The following LARP4B variants were observed in gnomAD, a reference collection of about 807,000 sequenced individuals.
The protein encoded by LARP4B is la-related protein 4B.
In LARP4B, 12 loss-of-function variants were observed where a neutral mutation model predicts 89.8. That is an observed-to-expected ratio of 0.13 (90% CI 0.09 to 0.22). LARP4B has a LOEUF of 0.22. Among genes scored for constraint, LARP4B ranks in the 10% least tolerant of loss-of-function variants. LARP4B has a pLI of 1.00. For synonymous variants in LARP4B, 367 were observed against 363.3 expected, an observed-to-expected ratio of 1.01 and a Z score of -0.12; for missense variants, 757 against 947.7, an observed-to-expected ratio of 0.80 and a Z score of 2.64.
chr10:815,900 G>A (rs1204520289), intron 15 of LARP4B, among the ~76,000 whole-genome samples: 1 of 152,220 alleles, frequency 6.6e-6, no homozygotes, highest in Non-Finnish European at 1.5e-5. Context: ...GGAAACAAGA[G>A]GGCAAAGGAC....
At chr10:832,042 T>A (rs970531098) in intron 8 of LARP4B, among the ~76,000 whole-genome samples, 7 of 152,186 alleles carry the variant, frequency 4.6e-5, no homozygotes, top group East Asian at 1.9e-4. Context: ...TTTTTTATTT[T>A]TTTTTATTTA....
chr10:873,017 T>C (rs1835302877), intron 3 of LARP4B: 1 of 985,170 alleles, frequency 1.0e-6, no homozygotes, highest in Non-Finnish European at 1.2e-6. Flanking sequence ...TTTGACGGTA[T>C]CAAATAATGA....
intron 1 of LARP4B, among the ~76,000 whole-genome samples, chr10:901,128 C>CCAGG (rs34659517): frequency 0.61 from 91,969 of 150,218 alleles, 28,452 homozygotes; most frequent in South Asian, 0.72. Flanking sequence ...ACCATGTTGG[C>CCAGG]CTGGTTTCGA....
chr10:928,203 CAAGAGTGAA>C (rs1196774532), intron 1 of LARP4B, among the ~76,000 whole-genome samples: 1 of 144,992 alleles, frequency 6.9e-6, no homozygotes, highest in Non-Finnish European at 1.5e-5. Context: ...GCTTGGGCGA[CAAGAGTGAA>C]AGTCCGCCTC....
the LARP4B span, chr10:986,898 C>T: frequency 6.6e-6 from 1 of 151,592 alleles, no homozygotes; most frequent in Admixed American, 6.6e-5. Flanking sequence ...TGAGATGGCG[C>T]CACTGCGCTC....
At chr10:953,893 T>C in the LARP4B span, among the ~76,000 whole-genome samples, 6 of 152,210 alleles carry the variant, frequency 3.9e-5, no homozygotes, top group South Asian at 2.1e-4. Flanking sequence ...TAACAGGACA[T>C]GAAGAATCCC....
At chr10:867,115 T>A (rs1363792672) in intron 3 of LARP4B, among the ~76,000 whole-genome samples, 1 of 152,270 alleles carries the variant, frequency 6.6e-6, no homozygotes, top group African/African-American at 2.4e-5. Flanking sequence ...AACCAATGAC[T>A]ACCTCTTAGT....
upstream of LARP4B, among the ~76,000 whole-genome samples, chr10:935,714 TTTC>T (rs1487662964): frequency 1.5e-5 from 2 of 133,202 alleles, no homozygotes; most frequent in African/African-American, 2.8e-5. Flanking sequence ...TCTTTTTTCT[TTTC>T]TTTTCTTTTT....
chr10:913,272 T>C (rs911515437), intron 1 of LARP4B, among the ~76,000 whole-genome samples: 1 of 152,214 alleles, frequency 6.6e-6, no homozygotes, highest in Non-Finnish European at 1.5e-5. Flanking sequence ...AAAAATCTTA[T>C]AAAACTGTAA....
the LARP4B span, among the ~76,000 whole-genome samples, chr10:949,607 G>A: frequency 1.3e-5 from 2 of 152,278 alleles, no homozygotes; most frequent in South Asian, 4.1e-4. Flanking sequence ...CCCACGTGCC[G>A]CTGCATCACT....
Position 829,493 on chromosome 10 carries a change from C to A in LARP4B, c.1017G>T (p.Thr339=). The change falls in exon 11 of 18, where the codon ACG becomes ACT. Residue 339 remains threonine, a synonymous_variant. Transcript: ENST00000316157. Reference sequence around the variant, plus strand: ...TGTACATGGGAGGGAAGTAGAACGACGTCGCGTAGCGCTGCTGGGCATACA... The same window carrying A: ...TGTACATGGGAGGGAAGTAGAACGAAGTCGCGTAGCGCTGCTGGGCATACA... The part of the protein sequence containing the change: ...VSLYAQQRYA[T]SFYFPPMYSP... The A allele has an allele frequency of 6.2e-7, 1 of 1,614,130 alleles. No individual in the cohort carries two copies. Among genetic ancestry groups the A allele is most frequent in the South Asian group, 1.1e-5 (1 of 91,080 alleles).
chr10:912,693 G>A (rs1018581089), intron 1 of LARP4B, among the ~76,000 whole-genome samples: 4 of 105,942 alleles, frequency 3.8e-5, no homozygotes, highest in Admixed American at 1.3e-4. Flanking sequence ...GCAACATGGA[G>A]AAACCTCGTC....
the LARP4B span, among the ~76,000 whole-genome samples, chr10:956,031 A>T: frequency 6.6e-6 from 1 of 151,398 alleles, no homozygotes; most frequent in South Asian, 2.1e-4. The surrounding 1 kb of genome is among the most constrained non-coding windows in gnomAD (Gnocchi z 4.3). Flanking sequence ...GGTGCCCCAC[A>T]GAGGTGGGGA....
intron 1 of LARP4B, among the ~76,000 whole-genome samples, chr10:905,324 T>C (rs944239981): frequency 2.6e-5 from 4 of 152,246 alleles, no homozygotes; most frequent in African/African-American, 7.2e-5. Flanking sequence ...ATTTTACACA[T>C]GCATTAATGT....
At chr10:826,255 A>T (rs1440756287) in intron 11 of LARP4B, among the ~76,000 whole-genome samples, 3 of 152,216 alleles carry the variant, frequency 2.0e-5, no homozygotes, top group Admixed American at 6.5e-5. Context: ...AATACAACTC[A>T]TCAACATTCT....
At chr10:906,459 G>A (rs1218991069) in intron 1 of LARP4B, among the ~76,000 whole-genome samples, 2 of 152,230 alleles carry the variant, frequency 1.3e-5, no homozygotes, top group Non-Finnish European at 2.9e-5. Context: ...AGAGGGAACA[G>A]CCCTGCTGAA....
At chr10:951,816 T>G in the LARP4B span, among the ~76,000 whole-genome samples, 2 of 133,474 alleles carry the variant, frequency 1.5e-5, no homozygotes, top group Non-Finnish European at 3.3e-5. Context: ...CAGAACCAAC[T>G]GCATAACATA....
At chr10:900,796 G>C (rs984882242) in intron 1 of LARP4B, among the ~76,000 whole-genome samples, 2 of 149,894 alleles carry the variant, frequency 1.3e-5, no homozygotes, top group African/African-American at 4.9e-5. Flanking sequence ...ATTTTTGTAT[G>C]TTTAGAGAGA....
upstream of LARP4B, among the ~76,000 whole-genome samples, chr10:934,108 A>G (rs954261552): frequency 2.6e-5 from 4 of 152,048 alleles, no homozygotes; most frequent in Non-Finnish European, 5.9e-5. Flanking sequence ...CTGGGATTAC[A>G]GGCGTGAGCC....
Sources: gnomAD v4.1 joint callset for allele counts (sites outside exome capture counted in the v4.1 genomes callset) on GRCh38, gnomAD v4.1.1 for gene constraint, Gnocchi (gnomAD v3.1) non-coding constraint, MANE v1.5 for transcripts, NCBI Gene and HGNC (gene_info 2026-07-23, HGNC 2026-07-21) for gene names.